DOK6: variants seen among roughly 807,000 people sequenced by gnomAD.
DOK6 encodes docking protein 6.
Under a neutral mutation model 44.0 loss-of-function variants are expected in DOK6, and 22 were observed. The ratio of observed to expected loss-of-function variants is 0.50; its 90% CI spans 0.36 to 0.71. The LOEUF is 0.71. Ranked by LOEUF, DOK6 falls within the 30% of genes least tolerant of loss-of-function variation. DOK6 has a pLI of 0.00. For synonymous variants in DOK6, 166 were observed against 145.5 expected (o/e 1.14, Z -1.01); for missense variants, 340 against 416.4 (o/e 0.82, Z 1.60).
intron 1 of DOK6, among the ~76,000 whole-genome samples, chr18:69,548,014 C>T (rs1163223080): frequency 2.0e-5 from 3 of 149,382 alleles, no homozygotes; most frequent in Non-Finnish European, 3.0e-5. Context: ...AGTGCAGTGG[C>T]GCAATCTCAG....
In DOK6 at chr18:69,647,130, GTCTA is replaced by G. The variant is rs977583034; in HGVS notation, c.290-30595_290-30592del. ...TCTATCTATCCTATCTGTCTATCCT[GTCTA>G]TCTATCTACCCTATCCATCTATCCT... On this transcript the variant is annotated intron_variant, in intron 3 of 7. Transcript: ENST00000382713. Among the ~76,000 whole-genome samples, 45 of 146,152 alleles carry G rather than the reference GTCTA, an allele frequency of 3.1e-4. 1 individual carries two copies. The highest frequency in any genetic ancestry group is 5.5e-4 in the African/African-American group (22 of 40,180).
intron 4 of DOK6, among the ~76,000 whole-genome samples, chr18:69,693,867 G>A (rs927726303): frequency 1.3e-5 from 2 of 151,398 alleles, no homozygotes; most frequent in Non-Finnish European, 3.0e-5. Flanking sequence ...GACCATCCTG[G>A]CTAACACAGT....
intron 1 of DOK6, among the ~76,000 whole-genome samples, chr18:69,551,747 A>G (rs1254205240): frequency 6.6e-6 from 1 of 152,228 alleles, no homozygotes; most frequent in African/African-American, 2.4e-5. Flanking sequence ...AAATTCATAT[A>G]TTGAAACAAA....
chr18:69,651,078 ACTCT>A (rs1377467903), intron 3 of DOK6, among the ~76,000 whole-genome samples: 1 of 151,884 alleles, frequency 6.6e-6, no homozygotes, highest in East Asian at 1.9e-4. Flanking sequence ...AAGCAAAAGG[ACTCT>A]CTCTCCCACT....
In DOK6 at chr18:69,694,404, T is replaced by C. The variant is rs1599267721; in HGVS notation, c.410-4000T>C. 2.0e-5 allele frequency among the ~76,000 whole-genome samples: 3 copies of C among 151,534 alleles called. No homozygotes were observed. In the East Asian group the frequency reaches 5.8e-4, roughly 29 times the overall value. On this transcript the variant is annotated intron_variant, in intron 4 of 7. Transcript: ENST00000382713. ...GTAAACATAATTGCAGATTCAATAC[T>C]AGCATCTTTGTTGGATGCAATATTT...
At chr18:69,750,525 A>G (rs1200945874) in intron 6 of DOK6, among the ~76,000 whole-genome samples, 2 of 152,222 alleles carry the variant, frequency 1.3e-5, no homozygotes, top group Admixed American at 6.5e-5. Flanking sequence ...CCACAATGAG[A>G]TATCTTCTCA....
At chr18:69,595,121 C>T (rs1395542691) in intron 2 of DOK6, among the ~76,000 whole-genome samples, 1 of 152,146 alleles carries the variant, frequency 6.6e-6, no homozygotes, top group Non-Finnish European at 1.5e-5. Flanking sequence ...AATGCAAAGA[C>T]ATGCCATGTT....
At chr18:69,691,571 T>C (rs142917986) in intron 4 of DOK6, among the ~76,000 whole-genome samples, 6 of 152,152 alleles carry the variant, frequency 3.9e-5, no homozygotes, top group African/African-American at 1.4e-4. Context: ...TTTGGGGAAG[T>C]AGTGGTTTCA....
rs148332939 is a variant in DOK6, at chr18:69,632,516, T to C, written c.289+33018T>C. Among the ~76,000 whole-genome samples, 302 of 152,230 alleles carry C rather than the reference T, an allele frequency of 2.0e-3. 1 individual carries two copies. Among genetic ancestry groups the C allele is most frequent in the Admixed American group, 4.2e-3 (64 of 15,284 alleles). ...AACATCGGTGTATCAGAATACTGTA[T>C]ATAGGAAGGAACCTGGGTCCACCTC... is the stretch of plus-strand genomic sequence containing the variant. On this transcript the variant is annotated intron_variant, in intron 3 of 7. Transcript: ENST00000382713.
intron 7 of DOK6, among the ~76,000 whole-genome samples, chr18:69,836,022 C>T (rs145382982): frequency 1.3e-5 from 2 of 152,156 alleles, no homozygotes; most frequent in Non-Finnish European, 2.9e-5. Flanking sequence ...CAAAAGGGAA[C>T]CCTTGTTGGT....
chr18:69,766,395 A>G (rs1599314066), intron 7 of DOK6, among the ~76,000 whole-genome samples: 3 of 152,340 alleles, frequency 2.0e-5, no homozygotes, highest in African/African-American at 7.2e-5. Context: ...AATCTAAAAG[A>G]AAAGTCGAAA....
chr18:69,567,841 C>T (rs116149214), intron 2 of DOK6, among the ~76,000 whole-genome samples: 1,611 of 152,306 alleles, frequency 0.011, 27 homozygotes, highest in African/African-American at 0.037. Flanking sequence ...CAGCAGCTCT[C>T]TCACACTGTC....
At chr18:69,630,352 T>C (rs1984661682) in intron 3 of DOK6, among the ~76,000 whole-genome samples, 1 of 151,988 alleles carries the variant, frequency 6.6e-6, no homozygotes, top group Non-Finnish European at 1.5e-5. Context: ...TCCTTGGAAT[T>C]AAAAAAAAGG....
At chr18:69,563,452 C>G (rs143145421) in intron 1 of DOK6, among the ~76,000 whole-genome samples, 1,553 of 152,146 alleles carry the variant, frequency 0.01, 30 homozygotes, top group African/African-American at 0.035. Flanking sequence ...ACATATACAC[C>G]ATGGAATACT....
Position 69,757,778 on chromosome 18 carries a change from C to A in DOK6, c.761C>A (p.Pro254Gln). 6.2e-7 allele frequency: 1 copy of A among 1,613,970 alleles called. No individual in the cohort carries two copies. Among genetic ancestry groups the A allele is most frequent in the East Asian group, 2.2e-5 (1 of 44,888 alleles). Residue 254 changes from proline (P) to glutamine (Q), a missense_variant, in exon 7 of 8, where the codon CCA becomes CAA. Around this residue, in one of 3 missense-constraint regions of DOK6, gnomAD observed 112 missense variants for 109.3 expected, o/e 1.02. Transcript: ENST00000382713. ...KARLQTSLTE[P>Q]MTLSKSISLP... ...TAGCTTCAGACAAGCTTGACTGAACCAATGACATTATCCAAATCAATATCT... is the reference window on the plus strand; with the variant it reads ...TAGCTTCAGACAAGCTTGACTGAACAAATGACATTATCCAAATCAATATCT...
chr18:69,794,138 TATG>T (rs1175235698), intron 7 of DOK6, among the ~76,000 whole-genome samples: 1 of 152,186 alleles, frequency 6.6e-6, no homozygotes, highest in African/African-American at 2.4e-5. Flanking sequence ...TTATGTGTCT[TATG>T]GTGGTCATCA....
At chr18:69,659,903 G>T (rs1286282887) in intron 3 of DOK6, 1 of 124,644 alleles carries the variant, frequency 8.0e-6, no homozygotes, top group African/African-American at 2.8e-5. Context: ...TAACATATAT[G>T]TATGTTTTAT....
intron 3 of DOK6, among the ~76,000 whole-genome samples, chr18:69,673,828 A>G (rs147099248): frequency 5.3e-5 from 8 of 152,362 alleles, no homozygotes; most frequent in African/African-American, 1.7e-4. Flanking sequence ...ATGAAAAAGC[A>G]CTTCATCATG....
At chr18:69,635,867 A>AT (rs1309973796) in intron 3 of DOK6, among the ~76,000 whole-genome samples, 1 of 152,068 alleles carries the variant, frequency 6.6e-6, no homozygotes, top group African/African-American at 2.4e-5. Context: ...ATTTCAGAAT[A>AT]TTTTTTCAAT....
Sources: allele counts gnomAD v4.1 joint callset (sites outside exome capture counted in the v4.1 genomes callset), GRCh38; gene constraint gnomAD v4.1.1; regional missense constraint gnomAD v4.1.1; transcripts MANE v1.5; gene names NCBI Gene and HGNC (gene_info 2026-07-23, HGNC 2026-07-21).